The following FHIT variants were observed in gnomAD, a reference collection of about 807,000 sequenced individuals.
The protein encoded by FHIT is fragile histidine triad diadenosine triphosphatase.
A neutral mutation model predicts 17.9 loss-of-function variants in FHIT; 19 were observed. That is an observed-to-expected ratio of 1.06 (90% CI 0.74 to 1.56). FHIT has a LOEUF of 1.56. FHIT is among the 40% of genes most tolerant of loss of function. The pLI is 0.00. For synonymous variants in FHIT, 81 were observed against 69.7 expected (o/e 1.16, Z -0.81); for missense variants, 248 against 189.2 (o/e 1.31, Z -1.82).
chr3:61,244,506 T>C (rs1048194782), intron 1 of FHIT, among the ~76,000 whole-genome samples: 1 of 152,096 alleles, frequency 6.6e-6, no homozygotes, highest in Admixed American at 6.6e-5. Context: ...CCCTGAAATA[T>C]TGTAAGCTGA....
At chr3:60,079,116 C>G (rs1400650912) in intron 5 of FHIT, among the ~76,000 whole-genome samples, 1 of 152,054 alleles carries the variant, frequency 6.6e-6, no homozygotes, top group Admixed American at 6.6e-5. Flanking sequence ...AAAGCTCCAA[C>G]CCAAGAGCTG....
intron 4 of FHIT, among the ~76,000 whole-genome samples, chr3:60,625,402 A>G (rs1166814406): frequency 6.6e-6 from 1 of 152,114 alleles, no homozygotes; most frequent in Non-Finnish European, 1.5e-5. Context: ...TTACATTCTC[A>G]CCAGCAATGT....
rs78762051 is a variant in FHIT at position 60,570,417 on chromosome 3, A to G, written c.-17-33438T>C. On this transcript the variant is annotated intron_variant, in intron 4 of 9. Coordinates refer to ENST00000492590, the MANE Select transcript of FHIT (RefSeq NM_002012.4). ...GGCACAGCATCCTCTGAGAGTATGTATAAGTTGGGAATAAGAGTGTTGAGG... is the reference window on the plus strand; with the variant it reads ...GGCACAGCATCCTCTGAGAGTATGTGTAAGTTGGGAATAAGAGTGTTGAGG... 1.0e-3 allele frequency among the ~76,000 whole-genome samples: 158 copies of G among 152,278 alleles called. 3 individuals are homozygous for G. Among genetic ancestry groups the G allele is most frequent in the African/African-American group, 3.3e-3 (136 of 41,572 alleles).
intron 5 of FHIT, among the ~76,000 whole-genome samples, chr3:60,398,680 C>T (rs1415755847): frequency 6.6e-6 from 1 of 152,066 alleles, no homozygotes; most frequent in African/African-American, 2.4e-5. Context: ...TAGTAAATTA[C>T]ACACTTAATA....
intron 8 of FHIT, among the ~76,000 whole-genome samples, chr3:59,770,825 G>A (rs1702041782): frequency 6.6e-6 from 1 of 152,140 alleles, no homozygotes. Flanking sequence ...GTCCACAACA[G>A]GCCTTTCGGA....
At chr3:60,058,165 G>T (rs2472012) in intron 5 of FHIT, among the ~76,000 whole-genome samples, 1 of 116,626 alleles carries the variant, frequency 8.6e-6, no homozygotes, top group Non-Finnish European at 1.6e-5. Context: ...TTTTGAGACA[G>T]AGTCTCGCTC....
chr3:60,160,472 G>T (rs1478096187), intron 5 of FHIT, among the ~76,000 whole-genome samples: 2 of 151,962 alleles, frequency 1.3e-5, no homozygotes, highest in Non-Finnish European at 2.9e-5. Context: ...CTTTTTTGTT[G>T]TTGTTCTAAT....
chr3:60,151,939 A>G (rs1246489565), intron 5 of FHIT, among the ~76,000 whole-genome samples: 2 of 152,190 alleles, frequency 1.3e-5, no homozygotes, highest in African/African-American at 2.4e-5. Context: ...ATCCACTGAA[A>G]TATAATCCCT....
intron 4 of FHIT, among the ~76,000 whole-genome samples, chr3:60,600,972 C>T (rs952475158): frequency 6.6e-6 from 1 of 152,130 alleles, no homozygotes. Context: ...CCCTTCCGGG[C>T]CCCTCACCTA....
At chr3:59,801,167 T>A (rs1699979094) in intron 8 of FHIT, among the ~76,000 whole-genome samples, 1 of 152,184 alleles carries the variant, frequency 6.6e-6, no homozygotes, top group Non-Finnish European at 1.5e-5. Context: ...CTGTGCTACC[T>A]CAATGCTTCA....
intron 5 of FHIT, among the ~76,000 whole-genome samples, chr3:60,483,774 A>C (rs1032751681): frequency 2.0e-5 from 3 of 152,122 alleles, no homozygotes; most frequent in Non-Finnish European, 4.4e-5. Context: ...GATACAAACA[A>C]GGACACCCTC....
intron 5 of FHIT, among the ~76,000 whole-genome samples, chr3:60,129,049 G>GTTTTTTTTT (rs1553692328): frequency 5.8e-5 from 7 of 121,036 alleles, no homozygotes; most frequent in East Asian, 2.2e-4. Flanking sequence ...TTCCTTTTTT[G>GTTTTTTTTT]TTTGTTTTTT....
chr3:60,311,921 C>G (rs866144394), intron 5 of FHIT, among the ~76,000 whole-genome samples: 1 of 151,924 alleles, frequency 6.6e-6, no homozygotes, highest in Non-Finnish European at 1.5e-5. Context: ...AAAATCAAGA[C>G]CTAAGGAAGA....
intron 8 of FHIT, among the ~76,000 whole-genome samples, chr3:59,772,710 T>A (rs181290032): frequency 1.3e-5 from 2 of 152,338 alleles, no homozygotes; most frequent in East Asian, 3.9e-4. Flanking sequence ...GAGCCTTCTA[T>A]GAACATTAGT....
intron 3 of FHIT, among the ~76,000 whole-genome samples, chr3:60,925,340 A>G (rs935295210): frequency 1.3e-5 from 2 of 152,234 alleles, no homozygotes; most frequent in African/African-American, 4.8e-5. Context: ...AGGGAAGCCC[A>G]TTCAGACTAA....
chr3:59,754,280 G>T (rs1701085381), intron 8 of FHIT, among the ~76,000 whole-genome samples: 1 of 152,156 alleles, frequency 6.6e-6, no homozygotes, highest in South Asian at 2.1e-4. Flanking sequence ...GAGGGTCATG[G>T]ATCTTCCCTT....
chr3:59,750,762 G>C (rs1337826756), intron 9 of FHIT: 3 of 213,300 alleles, frequency 1.4e-5, no homozygotes, highest in Non-Finnish European at 2.8e-5. Flanking sequence ...GGAGAGAAAG[G>C]CCAAGTGCAC....
At chr3:61,057,051 T>A (rs2034249545) in intron 2 of FHIT, among the ~76,000 whole-genome samples, 2 of 152,326 alleles carry the variant, frequency 1.3e-5, no homozygotes, top group South Asian at 4.1e-4. Flanking sequence ...AATTGAGTCA[T>A]CACACAGCCT....
chr3:59,959,952 C>T (rs576425750), intron 7 of FHIT, among the ~76,000 whole-genome samples: 164 of 152,050 alleles, frequency 1.1e-3, no homozygotes, highest in Admixed American at 1.8e-3. Flanking sequence ...TGTAGAGGTT[C>T]ATGGAGGAAG....
Sources: allele counts gnomAD v4.1 joint callset (sites outside exome capture counted in the v4.1 genomes callset), GRCh38; gene constraint gnomAD v4.1.1; transcripts MANE v1.5; gene names NCBI Gene and HGNC (gene_info 2026-07-23, HGNC 2026-07-21).